The following KAZN variants were observed in gnomAD, a reference collection of about 807,000 sequenced individuals.
The protein encoded by KAZN is kazrin.
Under a neutral mutation model 87.4 loss-of-function variants are expected in KAZN, and 40 were observed. The observed-to-expected ratio is 0.46, with a 90% confidence interval of 0.36 to 0.60. The LOEUF is 0.60. Ranked by LOEUF, KAZN falls within the 20% of genes least tolerant of loss-of-function variation. KAZN has a pLI of 0.00. For synonymous variants in KAZN, 466 were observed against 458.3 expected, an observed-to-expected ratio of 1.02 and a Z score of -0.22; for missense variants, 898 against 1,073.9, an observed-to-expected ratio of 0.84 and a Z score of 2.29.
chr1:14,075,229 C>A (rs1044543681), intron 1 of KAZN, among the ~76,000 whole-genome samples: 8 of 152,126 alleles, frequency 5.3e-5, no homozygotes, highest in African/African-American at 1.9e-4. Flanking sequence ...AATCAGAGTT[C>A]ATTTAAATGT....
chr1:14,956,989 G>C (rs1409080462), intron 1 of KAZN, among the ~76,000 whole-genome samples: 1 of 152,094 alleles, frequency 6.6e-6, no homozygotes, highest in Non-Finnish European at 1.5e-5. Flanking sequence ...CATCCTCTAG[G>C]GTCCATCTGG....
At chr1:14,092,604 T>TATATACATATGTATGTACATACACACCC (rs1557469299) in intron 1 of KAZN, among the ~76,000 whole-genome samples, 11 of 135,290 alleles carry the variant, frequency 8.1e-5, no homozygotes, top group African/African-American at 2.8e-4. Flanking sequence ...TATACACACA[T>TATATACATATGTATGTACATACACACCC]ATATACATAT....
At chr1:14,647,823 C>T (rs1246595280) in intron 1 of KAZN, among the ~76,000 whole-genome samples, 3 of 152,164 alleles carry the variant, frequency 2.0e-5, no homozygotes, top group Non-Finnish European at 4.4e-5. Context: ...ATTTCTCCCG[C>T]ACCTTAACCC....
intron 1 of KAZN, among the ~76,000 whole-genome samples, chr1:14,675,418 C>G (rs377319891): frequency 1.3e-5 from 2 of 152,188 alleles, no homozygotes; most frequent in South Asian, 4.1e-4. Flanking sequence ...AAATATTTCC[C>G]TCTTATTTTC....
chr1:14,682,749 C>G (rs921584370), intron 1 of KAZN, among the ~76,000 whole-genome samples: 3 of 152,138 alleles, frequency 2.0e-5, no homozygotes, highest in Admixed American at 6.5e-5. Context: ...TCTTCCCTTC[C>G]TCACATATTT....
chr1:14,418,745 G>A (rs1316472723), intron 2 of KAZN, among the ~76,000 whole-genome samples: 1 of 152,172 alleles, frequency 6.6e-6, no homozygotes, highest in Non-Finnish European at 1.5e-5. Context: ...CAGGCCAAAG[G>A]ACTCTCCCTA....
At chr1:14,824,044 G>A (rs1451676408) in intron 1 of KAZN, among the ~76,000 whole-genome samples, 1 of 151,410 alleles carries the variant, frequency 6.6e-6, no homozygotes, top group African/African-American at 2.4e-5. Context: ...AACCCAGGAG[G>A]CGGAGGTTGC....
chr1:14,268,564 T>C (rs1651678508), intron 2 of KAZN, among the ~76,000 whole-genome samples: 1 of 152,020 alleles, frequency 6.6e-6, no homozygotes, highest in South Asian at 2.1e-4. Flanking sequence ...GAGAAAACCT[T>C]CCATTCTGCT....
chr1:15,015,121 A>C (rs1327448083), intron 2 of KAZN, among the ~76,000 whole-genome samples: 2 of 150,952 alleles, frequency 1.3e-5, no homozygotes, highest in African/African-American at 4.9e-5. Context: ...TTAAAAACTG[A>C]AGTTTTTTCT....
chr1:14,660,855 A>C (rs925294258), intron 1 of KAZN, among the ~76,000 whole-genome samples: 6 of 152,188 alleles, frequency 3.9e-5, no homozygotes, highest in Non-Finnish European at 7.3e-5. Flanking sequence ...GTTACATTTT[A>C]GCCTTTGCTT....
intron 2 of KAZN, among the ~76,000 whole-genome samples, chr1:14,466,115 C>T (rs1263553725): frequency 1.3e-5 from 2 of 152,098 alleles, no homozygotes; most frequent in Admixed American, 6.5e-5. Context: ...CATGGTGTCA[C>T]CTAACAACAT....
At chr1:14,172,365 TTTCCTTCA>T (rs1466002009) in intron 1 of KAZN, among the ~76,000 whole-genome samples, 11 of 152,330 alleles carry the variant, frequency 7.2e-5, no homozygotes, top group African/African-American at 2.4e-4. Flanking sequence ...GAGTTGGCTT[TTTCCTTCA>T]TTTCTTCATT....
At chr1:14,537,890 G>A (rs959885772) in intron 2 of KAZN, among the ~76,000 whole-genome samples, 23 of 152,222 alleles carry the variant, frequency 1.5e-4, no homozygotes, top group Admixed American at 1.1e-3. Flanking sequence ...GCCTTTTTTG[G>A]TTGAAAGTAA....
intron 1 of KAZN, among the ~76,000 whole-genome samples, chr1:14,785,244 C>A (rs1315173961): frequency 6.6e-6 from 1 of 152,138 alleles, no homozygotes; most frequent in Admixed American, 6.5e-5. Context: ...GCAAGCAAGG[C>A]AGCCCTGTGG....
chr1:14,723,696 T>A (rs1469620357), intron 1 of KAZN, among the ~76,000 whole-genome samples: 2 of 152,184 alleles, frequency 1.3e-5, no homozygotes, highest in Non-Finnish European at 1.5e-5. Context: ...TGGGTAAACA[T>A]CAGTGGGGTG....
intron 1 of KAZN, among the ~76,000 whole-genome samples, chr1:14,051,900 C>T (rs1487747879): frequency 6.6e-6 from 1 of 152,174 alleles, no homozygotes; most frequent in East Asian, 1.9e-4. Context: ...AAAAAAAATG[C>T]TGTTACTTAC....
chr1:14,595,018 A>G (rs1294237876), upstream of KAZN, among the ~76,000 whole-genome samples: 1 of 152,038 alleles, frequency 6.6e-6, no homozygotes, highest in African/African-American at 2.4e-5. Flanking sequence ...GGTGGTGGGC[A>G]CCTGTAACCC....
intron 2 of KAZN, among the ~76,000 whole-genome samples, chr1:14,390,011 A>C (rs187635502): frequency 2.6e-4 from 39 of 152,318 alleles, no homozygotes; most frequent in Admixed American, 5.9e-4. Context: ...AAAAATTAAA[A>C]ATTAAAAAAA....
intron 1 of KAZN, among the ~76,000 whole-genome samples, chr1:14,821,709 A>G (rs1337578887): frequency 6.6e-6 from 1 of 152,070 alleles, no homozygotes; most frequent in Admixed American, 6.6e-5. Flanking sequence ...GACCCCTGCT[A>G]ACACCTAGAT....
Sources: allele counts gnomAD v4.1 joint callset (sites outside exome capture counted in the v4.1 genomes callset), GRCh38; gene constraint gnomAD v4.1.1; transcripts MANE v1.5; gene names NCBI Gene and HGNC (gene_info 2026-07-23, HGNC 2026-07-21).